The following SPRED2 variants were observed in gnomAD, a reference collection of about 807,000 sequenced individuals.
The protein encoded by SPRED2 is sprouty-related, EVH1 domain-containing protein 2.
SPRED2 carries 47 observed loss-of-function variants against 43.0 expected under a neutral mutation model. That is an observed-to-expected ratio of 1.09 (90% confidence interval 0.87 to 1.40). SPRED2 has a LOEUF of 1.40. Among genes scored for constraint, SPRED2 ranks in the 40% most tolerant of loss-of-function variants. The pLI is 0.00. For missense variants in SPRED2, 561 were observed against 586.4 expected (o/e 0.96, Z 0.45); for synonymous variants, 225 against 225.7 (o/e 1.00, Z 0.03).
chr2:65,317,666 TTATATGG>T (rs1673283853), intron 4 of SPRED2, among the ~76,000 whole-genome samples: 1 of 151,984 alleles, frequency 6.6e-6, no homozygotes, highest in Admixed American at 6.5e-5. Context: ...ACCCACGTGT[TTATATGG>T]AGGGGGGAAA....
chr2:65,431,680 C>A (rs1193800725), intron 1 of SPRED2, among the ~76,000 whole-genome samples: 1 of 152,032 alleles, frequency 6.6e-6, no homozygotes, highest in Non-Finnish European at 1.5e-5. Context: ...GTAAGTCCTC[C>A]GAGAGGGAGC....
intron 1 of SPRED2, among the ~76,000 whole-genome samples, chr2:65,386,316 T>C (rs1412561338): frequency 7.2e-6 from 1 of 138,634 alleles, no homozygotes; most frequent in African/African-American, 2.6e-5. Context: ...AAAGCACTGG[T>C]ATCAGAAGGT....
chr2:65,334,526 T>C (rs1408760518), intron 3 of SPRED2, 79 bp downstream of exon 3: 3 of 1,540,134 alleles, frequency 1.9e-6, no homozygotes, highest in African/African-American at 2.7e-5. Flanking sequence ...CACAAATAAA[T>C]GATGGCAGAC....
intron 1 of SPRED2, among the ~76,000 whole-genome samples, chr2:65,416,710 G>A (rs1355427147): frequency 1.3e-5 from 2 of 152,158 alleles, no homozygotes; most frequent in African/African-American, 4.8e-5. Context: ...AGTAGGATGG[G>A]GAAATGGATC....
chr2:65,334,382 A>C, intron 3 of SPRED2: 1 of 631,494 alleles, frequency 1.6e-6, no homozygotes, highest in African/African-American at 1.8e-5. Flanking sequence ...GCAGAGTCTA[A>C]AAATCAATTG....
At chr2:65,339,172 C>T (rs1042126368) in intron 2 of SPRED2, among the ~76,000 whole-genome samples, 1 of 143,900 alleles carries the variant, frequency 6.9e-6, no homozygotes, top group Non-Finnish European at 1.5e-5. Context: ...CCGGCCGCCC[C>T]TACTGGGAGG....
intron 1 of SPRED2, among the ~76,000 whole-genome samples, chr2:65,347,279 A>G (rs769503570): frequency 8.6e-5 from 13 of 151,846 alleles, no homozygotes; most frequent in Non-Finnish European, 1.6e-4. Flanking sequence ...AAATCCTACC[A>G]TCTACCTACT....
intron 4 of SPRED2, among the ~76,000 whole-genome samples, chr2:65,322,229 CCT>C (rs71905140): frequency 0.064 from 3,896 of 61,102 alleles, 176 homozygotes; most frequent in East Asian, 0.11. Flanking sequence ...GGTCTCCTTT[CCT>C]CTCTCTCTCT....
At chr2:65,329,606 C>T (rs1429131276) in intron 4 of SPRED2, among the ~76,000 whole-genome samples, 1 of 152,196 alleles carries the variant, frequency 6.6e-6, no homozygotes, top group Non-Finnish European at 1.5e-5. Flanking sequence ...GATTAAAGGA[C>T]AAAACCAGGA....
chr2:65,415,470 AAT>A (rs1676251964), intron 1 of SPRED2, among the ~76,000 whole-genome samples: 1 of 152,150 alleles, frequency 6.6e-6, no homozygotes, highest in Non-Finnish European at 1.5e-5. Flanking sequence ...AAAAAATTCA[AAT>A]ATAAGGAATT....
At chr2:65,349,293 A>T (rs1300585072) in intron 1 of SPRED2, among the ~76,000 whole-genome samples, 1 of 140,824 alleles carries the variant, frequency 7.1e-6, no homozygotes, top group Non-Finnish European at 1.5e-5. Context: ...CTGGCGACAC[A>T]GCAAGACTCT....
intron 1 of SPRED2, among the ~76,000 whole-genome samples, chr2:65,401,677 G>A (rs2103725184): frequency 6.6e-6 from 1 of 151,966 alleles, no homozygotes; most frequent in African/African-American, 2.4e-5. Context: ...GGGCGCGCCT[G>A]TAGTCCCAGC....
At chr2:65,407,242 C>A (rs1444975285) in intron 1 of SPRED2, among the ~76,000 whole-genome samples, 1 of 41,672 alleles carries the variant, frequency 2.4e-5, no homozygotes, top group Non-Finnish European at 4.7e-5. Flanking sequence ...GGGGCGCTGG[C>A]TCCTTTTTTT....
At chr2:65,327,360 A>T (rs1673654359) in intron 4 of SPRED2, among the ~76,000 whole-genome samples, 1 of 152,214 alleles carries the variant, frequency 6.6e-6, no homozygotes, top group African/African-American at 2.4e-5. Context: ...GATGATATAT[A>T]TGTAAATAAA....
chr2:65,375,142 G>A (rs1159428952), intron 1 of SPRED2, among the ~76,000 whole-genome samples: 2 of 152,226 alleles, frequency 1.3e-5, no homozygotes, highest in Non-Finnish European at 2.9e-5. Context: ...GAGACTTGGG[G>A]GCCCCTGCCC....
intron 1 of SPRED2, among the ~76,000 whole-genome samples, chr2:65,410,682 C>A (rs1221318498): frequency 1.3e-5 from 2 of 151,882 alleles, no homozygotes; most frequent in African/African-American, 4.8e-5. Context: ...TGGCGTGAAC[C>A]CGCGAGGCGG....
intron 1 of SPRED2, among the ~76,000 whole-genome samples, chr2:65,402,293 A>C (rs1390585218): frequency 1.3e-5 from 2 of 151,232 alleles, no homozygotes; most frequent in Non-Finnish European, 3.0e-5. Context: ...AAAAAAAAAA[A>C]AAAAAAAAAA....
Position 65,334,399 on chromosome 2 carries a change from C to G in SPRED2, c.373+206G>C, listed in dbSNP as rs1431069643. 6 of 635,496 alleles carry G rather than the reference C, an allele frequency of 9.4e-6. No individual in the cohort carries two copies. In the South Asian group the frequency reaches 1.0e-4, roughly 11 times the overall value. The allele number at this position is 635,496 out of a possible 1,614,324, so 39.4% of individuals were successfully genotyped here. A position where few individuals can be genotyped will look rare whatever the true frequency, so the allele number is the denominator to read the frequency against. ...AGAGTCTAAAAATCAATTGGGATTA[C>G]TCCTTACTCTGAAACCCATCTCCTT... On this transcript the variant is annotated intron_variant, in intron 3 of 5. Coordinates refer to ENST00000356388, the MANE Select transcript of SPRED2 (RefSeq NM_181784.3).
intron 4 of SPRED2, among the ~76,000 whole-genome samples, chr2:65,319,448 C>T (rs1375006141): frequency 6.6e-6 from 1 of 152,164 alleles, no homozygotes; most frequent in Non-Finnish European, 1.5e-5. Context: ...AGAAGCCACC[C>T]TTAGTCCCTT....
Sources: allele counts gnomAD v4.1 joint callset (sites outside exome capture counted in the v4.1 genomes callset), GRCh38; gene constraint gnomAD v4.1.1; transcripts MANE v1.5; gene names NCBI Gene and HGNC (gene_info 2026-07-23, HGNC 2026-07-21).